The following ZNF101 variants were observed in gnomAD, a reference collection of about 807,000 sequenced individuals.
ZNF101 encodes zinc finger protein 101, also known as zinc finger protein 101 (Y2).
ZNF101 carries 34 observed loss-of-function variants against 42.6 expected under a neutral mutation model. That is an observed-to-expected ratio of 0.80 (90% CI 0.61 to 1.06). The LOEUF (loss-of-function observed/expected upper bound fraction) is 1.06, where lower values mean the gene tolerates loss of function less well. Ranked by LOEUF, ZNF101 falls within the 50% of genes least tolerant of loss-of-function variation. The pLI is 0.00. For missense variants in ZNF101, 466 were observed against 530.9 expected, an observed-to-expected ratio of 0.88 and a Z score of 1.20; for synonymous variants, 158 against 183.9, an observed-to-expected ratio of 0.86 and a Z score of 1.14.
At chr19:19,676,195 A>T (rs1351953459) in intron 1 of ZNF101, 1 of 151,970 alleles carries the variant, frequency 6.6e-6, no homozygotes, top group Non-Finnish European at 1.5e-5. Flanking sequence ...GTTTTTAAAA[A>T]ATTTTTCTAG....
In ZNF101 at chr19:19,679,365, G is replaced by A; in HGVS notation, c.376G>A (p.Gly126Arg). The A allele has an allele frequency of 1.9e-6, 3 of 1,614,068 alleles. No homozygotes were observed. The highest frequency in any genetic ancestry group is 2.5e-6 in the Non-Finnish European group (3 of 1,180,028). ...FLDRHMRAHA[G>R]HKRSECGGEW... The stretch of plus-strand genomic sequence containing the variant: ...GGACAGGCACATGAGAGCTCATGCT[G>A]GACACAAACGATCTGAGTGTGGTGG... Residue 126 changes from glycine (G) to arginine (R), a missense_variant, in exon 4 of 4, where the codon GGA (glycine) becomes AGA (arginine). Physicochemically the swap from Gly to Arg is moderately radical, Grantham distance 125. Coordinates refer to ENST00000592502, the MANE Select transcript of ZNF101 (RefSeq NM_033204.4).
intron 1 of ZNF101, among the ~76,000 whole-genome samples, chr19:19,671,396 G>A (rs2062168724): frequency 6.6e-6 from 1 of 152,044 alleles, no homozygotes; most frequent in Non-Finnish European, 1.5e-5. Context: ...CTTTTCCTAA[G>A]GATACTAATC....
Position 19,680,003 on chromosome 19 carries a change from T to C in ZNF101, c.1014T>C (p.Tyr338=), listed in dbSNP as rs1231996991. 1.2e-6 allele frequency: 2 copies of C among 1,614,110 alleles called. No individual in the cohort carries two copies. The highest frequency in any genetic ancestry group is 1.7e-6 in the Non-Finnish European group (2 of 1,180,016). Residue 338 remains tyrosine, a synonymous_variant, in exon 4 of 4, where the codon TAT becomes TAC. Transcript: ENST00000592502. ...HERAHTGERP[Y]ECNKCGKTFN... Reference sequence around the variant, plus strand: ...GAGCTCACACTGGAGAAAGACCTTATGAATGTAATAAATGTGGTAAAACCT... The same window carrying C: ...GAGCTCACACTGGAGAAAGACCTTACGAATGTAATAAATGTGGTAAAACCT...
intron 3 of ZNF101, among the ~76,000 whole-genome samples, 189 bp downstream of exon 3, chr19:19,678,975 C>G (rs2062219616): frequency 6.6e-6 from 1 of 152,182 alleles, no homozygotes; most frequent in Admixed American, 6.6e-5. Context: ...TACTAAGAAT[C>G]TGTGACATGG....
chr19:19,679,463 G>T lies in ZNF101; in HGVS notation c.474G>T (p.Arg158=). 2 of 1,614,142 alleles carry T rather than the reference G, an allele frequency of 1.2e-6. No homozygotes were observed. Among genetic ancestry groups the T allele is most frequent in the Non-Finnish European group, 1.7e-6 (2 of 1,180,038 alleles). Residue 158 remains arginine (R), a synonymous_variant, in exon 4 of 4, where the codon CGG becomes CGT. Transcript: ENST00000592502. The stretch of plus-strand genomic sequence containing the variant: ...CCATTTCCCCCAGTAGTGGTGCACG[G>T]CGCACAGTAACACCAACTCGAAAGA... ...KASISPSSGA[R]RTVTPTRKRP...
In ZNF101 at chr19:19,678,733, A is replaced by G. The variant is rs766191361; in HGVS notation, c.138A>G (p.Gln46=). 27 of 1,604,896 alleles carry G rather than the reference A, an allele frequency of 1.7e-5. No individual in the cohort carries two copies. The highest frequency in any genetic ancestry group is 1.1e-4 in the East Asian group (5 of 44,824). ...TFRNLASVGI[Q]WKDQDIENLY... ...TCTGGGTCTACATTTTAGGAATCCA[A>G]TGGAAAGACCAGGACATTGAGAATC... The change falls in exon 3 of 4, where the codon CAA becomes CAG. Residue 46 remains glutamine, a synonymous_variant. Coordinates refer to ENST00000592502, the MANE Select transcript of ZNF101 (RefSeq NM_033204.4).
At chr19:19,674,225 G>A (rs1568436879) in intron 1 of ZNF101, among the ~76,000 whole-genome samples, 2 of 152,218 alleles carry the variant, frequency 1.3e-5, no homozygotes, top group East Asian at 3.9e-4. Context: ...TGCCCAGACT[G>A]GAGTACAATG....
intron 1 of ZNF101, chr19:19,672,073 G>GTATATATATA (rs34821774): frequency 2.5e-4 from 36 of 143,142 alleles, no homozygotes; most frequent in African/African-American, 8.7e-4. Context: ...ATGTGTGTGT[G>GTATATATATA]TATATATATA....
intron 1 of ZNF101, among the ~76,000 whole-genome samples, chr19:19,669,892 C>G (rs1381068186): frequency 6.6e-6 from 1 of 152,026 alleles, no homozygotes; most frequent in African/African-American, 2.4e-5. Context: ...CAGAAAATAA[C>G]CCCCTGACAC....
intron 1 of ZNF101, 89 bp from the exon 2 acceptor site, chr19:19,677,775 C>A: frequency 6.5e-7 from 1 of 1,530,830 alleles, no homozygotes; most frequent in Non-Finnish European, 8.8e-7. Flanking sequence ...GTTTGGAGAG[C>A]CCGGCGTCAT....
At position 19,681,307 on chromosome 19, in the gene ZNF101, G is replaced by A. The variant is rs1180585608; in HGVS notation, c.*1007G>A. 6.6e-6 allele frequency: 1 copy of A among 152,212 alleles called. No individual in the cohort carries two copies. The allele number at this position is 152,212 out of a possible 1,614,324, so 9.4% of individuals were successfully genotyped here. A position where few individuals can be genotyped will look rare whatever the true frequency, so the allele number is the denominator to read the frequency against. On this transcript the variant is annotated 3_prime_UTR_variant, in exon 4 of 4. Coordinates refer to ENST00000592502, the MANE Select transcript of ZNF101 (RefSeq NM_033204.4). ...TGGAGAAAAATTGTAGAAATGTACA[G>A]AATATGGGGAAACTCTCATTGCTCT... is the stretch of plus-strand genomic sequence containing the variant.
chr19:19,669,492 T>C (rs1005856310), intron 1 of ZNF101, among the ~76,000 whole-genome samples: 23 of 152,274 alleles, frequency 1.5e-4, no homozygotes, highest in African/African-American at 5.5e-4. Context: ...ATTATTATTA[T>C]CATTATTTCT....
intron 3 of ZNF101, 26 bp downstream of exon 3, chr19:19,678,812 A>G (rs773089301): frequency 1.3e-6 from 2 of 1,588,044 alleles, no homozygotes; most frequent in Admixed American, 1.8e-5. Flanking sequence ...AAGAGGAAGC[A>G]GTGTCTCTTG....
Position 19,678,802 on chromosome 19 carries a change from A to G in ZNF101, c.191+16A>G, listed in dbSNP as rs1199453777. The G allele has an allele frequency of 2.5e-6, 4 of 1,603,000 alleles. No individual in the cohort carries two copies. The highest frequency in any genetic ancestry group is 3.4e-6 in the Non-Finnish European group (4 of 1,175,772). On this transcript the variant is annotated intron_variant, in intron 3 of 3. Transcript: ENST00000592502. ...TTAAGCTAAGGTAATCTCCACTCAC[A>G]AGAGGAAGCAGTGTCTCTTGAGGGA...
intron 2 of ZNF101, 143 bp from the exon 3 acceptor site, chr19:19,678,583 C>A: frequency 1.5e-6 from 1 of 653,958 alleles, no homozygotes; most frequent in Non-Finnish European, 2.6e-6. Context: ...TCACTGCACT[C>A]CAGCCTGGGT....
At position 19,668,927 on chromosome 19, in the gene ZNF101, A is replaced by C. The variant is rs780927291; in HGVS notation, c.-37A>C. The C allele has an allele frequency of 1.9e-6, 3 of 1,577,910 alleles. No homozygotes were observed. The highest frequency in any genetic ancestry group is 2.6e-6 in the Non-Finnish European group (3 of 1,162,338). On this transcript the variant is annotated 5_prime_UTR_variant, in exon 1 of 4. Coordinates refer to ENST00000592502, the MANE Select transcript of ZNF101 (RefSeq NM_033204.4). ...GTGTGGGACCTGTTCTGGCTGCTCC[A>C]GCCCCAGGAAGGACCCAGGACACCC... is the stretch of plus-strand genomic sequence containing the variant.
chr19:19,681,511 G>A lies in ZNF101; in HGVS notation c.*1211G>A, dbSNP rs1394008336. The A allele has an allele frequency of 6.6e-6, 1 of 152,200 alleles. No individual in the cohort carries two copies. The highest frequency in any genetic ancestry group is 2.4e-5 in the African/African-American group (1 of 41,448). The allele number at this position is 152,200 out of a possible 1,614,324, so 9.4% of individuals were successfully genotyped here. Reference sequence around the variant, plus strand: ...CTCCCCTGTAATCCCAGCATTTTGGGAGGCTGGGGTGGGTAGATTGCTTGA... The same window carrying A: ...CTCCCCTGTAATCCCAGCATTTTGGAAGGCTGGGGTGGGTAGATTGCTTGA... On this transcript the variant is annotated 3_prime_UTR_variant, in exon 4 of 4. Transcript: ENST00000592502.
Position 19,679,250 on chromosome 19 carries a change from T to C in ZNF101, c.261T>C (p.Pro87=), listed in dbSNP as rs773942988. ...ACAGAGAAACTTTCAGCCAGATTCC[T>C]GATTGTCACCTGAACAAGAAAAGTC... ...NEHRETFSQI[P]DCHLNKKSQT... Residue 87 remains proline, a synonymous_variant, in exon 4 of 4, where the codon CCT becomes CCC. Transcript: ENST00000592502. 4.6e-5 allele frequency: 75 copies of C among 1,614,104 alleles called. 1 individual carries two copies. In the South Asian group the frequency reaches 8.2e-4, roughly 18 times the overall value.
Position 19,681,576 on chromosome 19 carries a change from C to A in ZNF101, c.*1276C>A, listed in dbSNP as rs1251257075. The A allele has an allele frequency of 6.6e-6, 1 of 152,042 alleles. No homozygotes were observed. Among genetic ancestry groups the A allele is most frequent in the African/African-American group, 2.4e-5 (1 of 41,388 alleles). The allele number at this position is 152,042 out of a possible 1,614,324, so 9.4% of individuals were successfully genotyped here. A position where few individuals can be genotyped will look rare whatever the true frequency, so the allele number is the denominator to read the frequency against. On this transcript the variant is annotated 3_prime_UTR_variant, in exon 4 of 4. Coordinates refer to ENST00000592502, the MANE Select transcript of ZNF101 (RefSeq NM_033204.4). ...GACCAGCCTGGCAACCTGGAGAAAT[C>A]CCATGTATACAAAAAATAGAAAAGT...
Sources: allele counts gnomAD v4.1 joint callset (sites outside exome capture counted in the v4.1 genomes callset), GRCh38; gene constraint gnomAD v4.1.1; transcripts MANE v1.5; gene names NCBI Gene and HGNC (gene_info 2026-07-23, HGNC 2026-07-21).